The following GRIN2D variants were observed in gnomAD, a reference collection of about 807,000 sequenced individuals.
GRIN2D encodes the protein glutamate ionotropic receptor NMDA type subunit 2D, also known as glutamate receptor ionotropic, NMDA 2D.
In GRIN2D, 37 loss-of-function variants were observed where a neutral mutation model predicts 103.2. The observed-to-expected ratio is 0.36, with a 90% CI of 0.28 to 0.47. GRIN2D has a LOEUF of 0.47. Among genes scored for constraint, GRIN2D ranks in the 20% least tolerant of loss-of-function variants. The pLI is 1.00. For synonymous variants in GRIN2D, 845 were observed against 885.6 expected, an observed-to-expected ratio of 0.95 and a Z score of 0.81; for missense variants, 1,557 against 1,910.6, an observed-to-expected ratio of 0.81 and a Z score of 3.45.
chr19:48,435,085 A>G (rs1428768532), intron 11 of GRIN2D, among the ~76,000 whole-genome samples: 2 of 152,122 alleles, frequency 1.3e-5, no homozygotes. Context: ...GCCATAACAA[A>G]ATACCATAGA....
rs1970988455 is a variant in GRIN2D, at chr19:48,419,413, G to C, written c.1861+54G>C. The C allele has an allele frequency of 3.2e-6, 5 of 1,568,126 alleles. No individual in the cohort carries two copies. In the East Asian group the frequency reaches 6.7e-5, roughly 21 times the overall value. On this transcript the variant is annotated intron_variant, in intron 9 of 13. Coordinates refer to ENST00000263269, the MANE Select transcript of GRIN2D (RefSeq NM_000836.4). ...TCGGAGATCCCGAACCACAGAGACA[G>C]AGAACTACATTTCCCAGCAGCCCCT... is the stretch of plus-strand genomic sequence containing the variant.
At chr19:48,425,522 G>A (rs1055927704) in intron 11 of GRIN2D, among the ~76,000 whole-genome samples, 1 of 152,106 alleles carries the variant, frequency 6.6e-6, no homozygotes, top group Non-Finnish European at 1.5e-5. Context: ...GATTACAGGC[G>A]TGAGCCACCG....
chr19:48,434,125 T>A (rs1971196198), intron 11 of GRIN2D, among the ~76,000 whole-genome samples: 1 of 151,592 alleles, frequency 6.6e-6, no homozygotes, highest in African/African-American at 2.4e-5. Flanking sequence ...ATTTTTTGTA[T>A]TTTTTTAGTA....
intron 4 of GRIN2D, among the ~76,000 whole-genome samples, chr19:48,412,409 AGAAAG>A (rs1324448058): frequency 9.4e-5 from 14 of 148,256 alleles, no homozygotes; most frequent in Non-Finnish European, 1.3e-4. Flanking sequence ...AAAGAAAGAA[AGAAAG>A]AGAAAGAAAA....
At chr19:48,425,274 C>A (rs547375781) in intron 11 of GRIN2D, among the ~76,000 whole-genome samples, 1 of 152,170 alleles carries the variant, frequency 6.6e-6, no homozygotes, top group Non-Finnish European at 1.5e-5. Context: ...TGGAGTCTCG[C>A]TCTGTTGCCC....
Position 48,443,664 on chromosome 19 carries a change from C to T in GRIN2D, c.3738C>T (p.Ala1246=). The change falls in exon 14 of 14, where the codon GCC becomes GCT. Residue 1246 remains alanine, a synonymous_variant. Transcript: ENST00000263269. This position sits in a 1 kb window ranked among gnomAD's most constrained non-coding sequence, Gnocchi z 8.9. Reference sequence around the variant, plus strand: ...CCTCGCACCGCACGCCCGCCGCCGCCGCGCCCCACCACCACAGGCACCGGC... The same window carrying T: ...CCTCGCACCGCACGCCCGCCGCCGCTGCGCCCCACCACCACAGGCACCGGC... ...PRASHRTPAA[A]APHHHRHRRA... The T allele has an allele frequency of 8.5e-7, 1 of 1,175,274 alleles. No homozygotes were observed. Among genetic ancestry groups the T allele is most frequent in the Non-Finnish European group, 1.0e-6 (1 of 954,250 alleles). 72.8% of individuals were successfully genotyped at this position (1,175,274 alleles called of 1,614,324 possible). A position where few individuals can be genotyped will look rare whatever the true frequency, so the allele number is the denominator to read the frequency against.
intron 3 of GRIN2D, among the ~76,000 whole-genome samples, chr19:48,402,166 A>AAGAAAGAAAAAGAAAGAG: frequency 1.2e-5 from 1 of 80,086 alleles, no homozygotes; most frequent in South Asian, 4.0e-4. Flanking sequence ...GAAAGAAAGA[A>AAGAAAGAAAAAGAAAGAG]AGAGAGAAAA....
At chr19:48,436,244 G>A (rs1299743810) in intron 11 of GRIN2D, among the ~76,000 whole-genome samples, 1 of 152,138 alleles carries the variant, frequency 6.6e-6, no homozygotes, top group East Asian at 1.9e-4. Context: ...GTAGGGGCTT[G>A]GGAAGCGGGG....
At position 48,443,676 on chromosome 19, in the gene GRIN2D, C is replaced by A. The variant is rs1971338846; in HGVS notation, c.3750C>A (p.His1250Gln). 8.2e-7 allele frequency: 1 copy of A among 1,213,666 alleles called. No homozygotes were observed. Among genetic ancestry groups the A allele is most frequent in the Non-Finnish European group, 1.0e-6 (1 of 978,970 alleles). 75.2% of individuals were successfully genotyped at this position (1,213,666 alleles called of 1,614,324 possible). The change falls in exon 14 of 14, where the codon CAC becomes CAA. Residue 1250 changes from histidine (H) to glutamine (Q), a missense_variant. Coordinates refer to ENST00000263269, the MANE Select transcript of GRIN2D (RefSeq NM_000836.4). The surrounding 1 kb of genome is among the most constrained non-coding windows in gnomAD (Gnocchi z 8.9). ...HRTPAAAAPH[H>Q]HRHRRAAGGW... The stretch of plus-strand genomic sequence containing the variant: ...CGCCCGCCGCCGCCGCGCCCCACCA[C>A]CACAGGCACCGGCGCGCCGCTGGGG...
At chr19:48,413,661 C>CAAAAAA (rs11368422) in intron 4 of GRIN2D, among the ~76,000 whole-genome samples, 1 of 57,290 alleles carries the variant, frequency 1.7e-5, no homozygotes, top group African/African-American at 6.7e-5. Flanking sequence ...GACTCTGTCT[C>CAAAAAA]AAAAAAAAAA....
rs533343312 is a variant in GRIN2D at position 48,411,679 on chromosome 19, T to C, written c.1086-2312T>C. Among the ~76,000 whole-genome samples, 20 of 150,992 alleles carry C rather than the reference T, an allele frequency of 1.3e-4. No homozygotes were observed. In the South Asian group the frequency reaches 2.5e-3, roughly 19 times the overall value. The stretch of plus-strand genomic sequence containing the variant: ...TAAATAAATAAATAAATAAGAAGAA[T>C]AGTTGGTCAGGATAAGGGGTGGTAT... On this transcript the variant is annotated intron_variant, in intron 4 of 13. Transcript: ENST00000263269.
intron 4 of GRIN2D, among the ~76,000 whole-genome samples, chr19:48,406,431 A>G (rs540587651): frequency 6.6e-6 from 1 of 152,286 alleles, no homozygotes; most frequent in East Asian, 1.9e-4. Flanking sequence ...TGGTGACAGA[A>G]CAGTGAAAAG....
In GRIN2D at chr19:48,398,491, GGGGCCGGGCGGGGCC is replaced by G; in HGVS notation, c.102_116del (p.Pro35_Gly39del). 1 of 1,011,796 alleles carries G rather than the reference GGGGCCGGGCGGGGCC, an allele frequency of 9.9e-7. No individual in the cohort carries two copies. The highest frequency in any genetic ancestry group is 4.5e-5 in the South Asian group (1 of 22,328). 62.7% of individuals were successfully genotyped at this position (1,011,796 alleles called of 1,614,324 possible). A position where few individuals can be genotyped will look rare whatever the true frequency, so the allele number is the denominator to read the frequency against. On this transcript the variant is annotated inframe_deletion, in exon 3 of 14. Transcript: ENST00000263269. ...CCAGCCCGTTCCCGGAGGAGGCGCC[GGGGCCGGGCGGGGCC>G]GGTGGGCCCGGCGGCGGCCTCGGCG... is the stretch of plus-strand genomic sequence containing the variant.
chr19:48,400,058 A>G (rs1970691902), intron 3 of GRIN2D, among the ~76,000 whole-genome samples: 1 of 152,182 alleles, frequency 6.6e-6, no homozygotes, highest in South Asian at 2.1e-4. Context: ...GACCCAGCCA[A>G]TGACAGATCA....
chr19:48,441,460 C>T (rs543022215), intron 11 of GRIN2D, among the ~76,000 whole-genome samples: 1 of 152,216 alleles, frequency 6.6e-6, no homozygotes, highest in African/African-American at 2.4e-5. Flanking sequence ...TCCCTATAGT[C>T]CCTGCTACTG....
At chr19:48,425,099 G>A (rs1043485136) in intron 11 of GRIN2D, among the ~76,000 whole-genome samples, 2 of 151,684 alleles carry the variant, frequency 1.3e-5, no homozygotes, top group Non-Finnish European at 2.9e-5. Flanking sequence ...CTTCACTTGC[G>A]CCTTCCTCAG....
At position 48,399,688 on chromosome 19, in the gene GRIN2D, G is replaced by A. The variant is rs1410753173; in HGVS notation, c.465+831G>A. 2.0e-5 allele frequency among the ~76,000 whole-genome samples: 3 copies of A among 152,298 alleles called. 1 individual carries two copies. Among genetic ancestry groups the A allele is most frequent in the South Asian group, 4.1e-4 (2 of 4,834 alleles). ...ACAGAGTTTGGGGAGGCGTTCGGCC[G>A]GTAGAGCATAGGGTCTAGAAGTCAG... On this transcript the variant is annotated intron_variant, in intron 3 of 13. Transcript: ENST00000263269.
At chr19:48,410,054 G>C (rs1970836884) in intron 4 of GRIN2D, among the ~76,000 whole-genome samples, 1 of 151,510 alleles carries the variant, frequency 6.6e-6, no homozygotes. Context: ...CAAAGTGCTG[G>C]GATTACAGGC....
At position 48,443,994 on chromosome 19, in the gene GRIN2D, G is replaced by T; in HGVS notation, c.*57G>T. 1 of 1,194,366 alleles carries T rather than the reference G, an allele frequency of 8.4e-7. No individual in the cohort carries two copies. The highest frequency in any genetic ancestry group is 1.1e-6 in the Non-Finnish European group (1 of 918,034). The allele number at this position is 1,194,366 out of a possible 1,614,324, so 74.0% of individuals were successfully genotyped here. The stretch of plus-strand genomic sequence containing the variant: ...TCAGCGCAGGCCACGGCCCGAGGGG[G>T]CGCCCGCAGTGGACAGGACCCGCGT... On this transcript the variant is annotated 3_prime_UTR_variant, in exon 14 of 14. Coordinates refer to ENST00000263269, the MANE Select transcript of GRIN2D (RefSeq NM_000836.4). This position sits in a 1 kb window ranked among gnomAD's most constrained non-coding sequence, Gnocchi z 8.9.
Sources: allele counts gnomAD v4.1 joint callset (sites outside exome capture counted in the v4.1 genomes callset), GRCh38; gene constraint gnomAD v4.1.1; non-coding constraint Gnocchi (gnomAD v3.1); transcripts MANE v1.5; gene names NCBI Gene and HGNC (gene_info 2026-07-23, HGNC 2026-07-21).